The following DLGAP1 variants were observed in gnomAD, a reference collection of about 807,000 sequenced individuals.
DLGAP1 encodes disks large-associated protein 1.
In DLGAP1, 11 loss-of-function variants were observed where a neutral mutation model predicts 90.8. The observed-to-expected ratio is 0.12, with a 90% CI of 0.08 to 0.20. The LOEUF is 0.20. Ranked by LOEUF, DLGAP1 falls within the 10% of genes least tolerant of loss-of-function variation. The pLI, the probability that DLGAP1 is intolerant of heterozygous loss-of-function variation, is 1.00. For synonymous variants in DLGAP1, 558 were observed against 540.7 expected, an observed-to-expected ratio of 1.03 and a Z score of -0.44; for missense variants, 1,050 against 1,333.8, an observed-to-expected ratio of 0.79 and a Z score of 3.31.
chr18:3,890,875 TGCACCAC>T (rs1253006254), intron 3 of DLGAP1, among the ~76,000 whole-genome samples: 1 of 152,184 alleles, frequency 6.6e-6, no homozygotes, highest in Admixed American at 6.5e-5. Flanking sequence ...ATTACAGATG[TGCACCAC>T]TGCGCCAGCT....
At chr18:4,056,282 T>G (rs933882715) in intron 2 of DLGAP1, among the ~76,000 whole-genome samples, 1 of 152,174 alleles carries the variant, frequency 6.6e-6, no homozygotes, top group Admixed American at 6.5e-5. Flanking sequence ...ATGGGTGGCC[T>G]GCAAGCCAAA....
intron 1 of DLGAP1, among the ~76,000 whole-genome samples, chr18:4,408,955 C>A (rs976456857): frequency 3.5e-4 from 35 of 101,338 alleles, no homozygotes; most frequent in Non-Finnish European, 5.4e-4. Context: ...CAAATGAAAC[C>A]ATTATACACA....
intron 3 of DLGAP1, among the ~76,000 whole-genome samples, chr18:3,938,933 G>A (rs1482414879): frequency 6.6e-6 from 1 of 152,176 alleles, no homozygotes; most frequent in African/African-American, 2.4e-5. Flanking sequence ...GGACAGCGAA[G>A]GTGATGACAA....
At chr18:3,875,962 T>A (rs186939537) in intron 4 of DLGAP1, among the ~76,000 whole-genome samples, 1 of 151,806 alleles carries the variant, frequency 6.6e-6, no homozygotes, top group Non-Finnish European at 1.5e-5. Flanking sequence ...GTCTCTAATA[T>A]TGAAGTTAAA....
At chr18:3,845,328 A>C in intron 4 of DLGAP1, 2 of 1,588,262 alleles carry the variant, frequency 1.3e-6, no homozygotes, top group Non-Finnish European at 1.7e-6. Context: ...GAGAGCATTT[A>C]GCTTCTCTCT....
rs60740209 is a variant in DLGAP1 at position 3,540,469 on chromosome 18, C to CAAAAAA, written c.2058-5860_2058-5855dup. On this transcript the variant is annotated intron_variant, in intron 9 of 12. Transcript: ENST00000315677. Reference sequence around the variant, plus strand: ...TGGGCAACAGAGTGAGGCCCTGTGTCAAAAAAAAAAAAAAAAAAAAAAAAA... The same window carrying CAAAAAA: ...TGGGCAACAGAGTGAGGCCCTGTGTCAAAAAAAAAAAAAAAAAAAAAAAAAAAAAAA... Among the ~76,000 whole-genome samples, 33 of 58,018 alleles carry CAAAAAA rather than the reference C, an allele frequency of 5.7e-4. 1 individual carries two copies. Among genetic ancestry groups the CAAAAAA allele is most frequent in the African/African-American group, 2.0e-3 (30 of 14,810 alleles). The allele number at this position is 58,018 out of a possible 152,430, so 38.1% of individuals were successfully genotyped here.
intron 5 of DLGAP1, among the ~76,000 whole-genome samples, chr18:3,772,639 T>A (rs2064736051): frequency 6.6e-6 from 1 of 151,542 alleles, no homozygotes; most frequent in Non-Finnish European, 1.5e-5. Context: ...TTAATAATAT[T>A]ATTATATCCT....
intron 2 of DLGAP1, among the ~76,000 whole-genome samples, chr18:4,143,021 CT>C (rs1384833133): frequency 2.0e-5 from 3 of 152,178 alleles, no homozygotes; most frequent in African/African-American, 7.2e-5. Context: ...GTGACACAAG[CT>C]CACCTGTGGC....
In DLGAP1 at chr18:3,689,050, C is replaced by T. The variant is rs190946198; in HGVS notation, c.1591+40085G>A. ...CTGCCTCTCTAGAAAGACTATAAGG[C>T]CCTACCCCTGTGCTCTGTCTCCTCC... On this transcript the variant is annotated intron_variant, in intron 7 of 12. Coordinates refer to ENST00000315677, the MANE Select transcript of DLGAP1 (RefSeq NM_004746.4). 4.3e-3 allele frequency among the ~76,000 whole-genome samples: 657 copies of T among 152,272 alleles called. 17 individuals are homozygous for T. The highest frequency in any genetic ancestry group is 0.037 in the Admixed American group (565 of 15,288).
intron 4 of DLGAP1, chr18:3,821,918 C>A: frequency 1.0e-6 from 1 of 985,092 alleles, no homozygotes; most frequent in South Asian, 4.7e-5. Flanking sequence ...TTCTTTGCAG[C>A]TGGGAGAACT....
intron 3 of DLGAP1, among the ~76,000 whole-genome samples, chr18:3,964,534 AG>A (rs1217962297): frequency 6.6e-6 from 1 of 152,166 alleles, no homozygotes; most frequent in African/African-American, 2.4e-5. Context: ...ATAAGGCTGG[AG>A]ATACGAGATG....
intron 7 of DLGAP1, among the ~76,000 whole-genome samples, chr18:3,707,724 G>A (rs987299072): frequency 6.6e-6 from 1 of 152,092 alleles, no homozygotes; most frequent in South Asian, 2.1e-4. Flanking sequence ...TTGGTGCTGC[G>A]TTCCTGGAAG....
At chr18:3,628,964 C>G (rs907768668) in intron 7 of DLGAP1, among the ~76,000 whole-genome samples, 1 of 152,098 alleles carries the variant, frequency 6.6e-6, no homozygotes, top group Non-Finnish European at 1.5e-5. Flanking sequence ...ATTTGGCACA[C>G]AAGTAAAAGA....
rs577512328 is a variant in DLGAP1 at position 3,874,183 on chromosome 18, G to C, written c.957+4929C>G. 6.5e-6 allele frequency: 10 copies of C among 1,549,982 alleles called. No individual in the cohort carries two copies. In the African/African-American group the frequency reaches 8.2e-5, roughly 13 times the overall value. ...TCAGTCCTTCCATTTCTTGAAACTT[G>C]CACACAAACTGAAGAAACCCACTCA... On this transcript the variant is annotated intron_variant, in intron 4 of 12. Transcript: ENST00000315677.
intron 4 of DLGAP1, among the ~76,000 whole-genome samples, chr18:3,855,131 C>T (rs979500712): frequency 2.6e-5 from 4 of 152,142 alleles, no homozygotes; most frequent in Non-Finnish European, 5.9e-5. Flanking sequence ...AACTTATATC[C>T]TTTGCAGCAA....
chr18:4,027,907 T>G (rs1039694045), intron 2 of DLGAP1, among the ~76,000 whole-genome samples: 2 of 152,194 alleles, frequency 1.3e-5, no homozygotes, highest in Non-Finnish European at 2.9e-5. Flanking sequence ...TTAAAACCAT[T>G]CTTTGTGGTG....
chr18:3,754,592 T>A (rs998918274), intron 5 of DLGAP1, among the ~76,000 whole-genome samples: 1 of 148,776 alleles, frequency 6.7e-6, no homozygotes, highest in African/African-American at 2.5e-5. Context: ...AACTATATTA[T>A]AAAAGAGGGG....
At chr18:3,798,754 T>C (rs551829857) in intron 5 of DLGAP1, among the ~76,000 whole-genome samples, 2 of 152,348 alleles carry the variant, frequency 1.3e-5, no homozygotes, top group East Asian at 1.9e-4. Flanking sequence ...GTGAGGTGCT[T>C]AACATAAGTT....
chr18:4,441,733 G>A (rs1320563399), intron 1 of DLGAP1, among the ~76,000 whole-genome samples: 1 of 152,222 alleles, frequency 6.6e-6, no homozygotes, highest in Non-Finnish European at 1.5e-5. Flanking sequence ...AGGCTGTGAA[G>A]TGAAATAAAA....
Sources: gnomAD v4.1 joint callset for allele counts (sites outside exome capture counted in the v4.1 genomes callset) on GRCh38, gnomAD v4.1.1 for gene constraint, MANE v1.5 for transcripts, NCBI Gene and HGNC (gene_info 2026-07-23, HGNC 2026-07-21) for gene names.